Variants in NRXN3 observed in about 807,000 individuals in gnomAD.
The protein encoded by NRXN3 is neurexin III.
Under a neutral mutation model 137.6 loss-of-function variants are expected in NRXN3, and 32 were observed. The observed-to-expected ratio is 0.23, with a 90% confidence interval of 0.18 to 0.31. The LOEUF is 0.31. Among genes scored for constraint, NRXN3 ranks in the 10% least tolerant of loss-of-function variants. The pLI is 1.00. For missense variants in NRXN3, 1,574 were observed against 2,062.5 expected (o/e 0.76, Z 4.59); for synonymous variants, 798 against 784.5 (o/e 1.02, Z -0.29).
intron 16 of NRXN3, among the ~76,000 whole-genome samples, chr14:79,545,426 G>A (rs529813557): frequency 1.3e-5 from 2 of 152,188 alleles, no homozygotes; most frequent in East Asian, 3.9e-4. Flanking sequence ...TCCTCGAGGG[G>A]CTGTCTCTCT....
At chr14:78,851,850 T>C (rs1326278365) in intron 10 of NRXN3, among the ~76,000 whole-genome samples, 1 of 152,218 alleles carries the variant, frequency 6.6e-6, no homozygotes, top group Non-Finnish European at 1.5e-5. Flanking sequence ...CATATAGCTA[T>C]TCTAGCAAAA....
chr14:78,887,559 C>T (rs1001469241), intron 10 of NRXN3, among the ~76,000 whole-genome samples: 1 of 152,040 alleles, frequency 6.6e-6, no homozygotes, highest in Non-Finnish European at 1.5e-5. Context: ...TCAAGAACCT[C>T]AGGGTTTTCC....
At chr14:78,575,034 T>C (rs1482291544) in intron 4 of NRXN3, among the ~76,000 whole-genome samples, 1 of 152,174 alleles carries the variant, frequency 6.6e-6, no homozygotes, top group Admixed American at 6.5e-5. Flanking sequence ...GTTTTCATGA[T>C]AGTGAGTGAG....
intron 3 of NRXN3, among the ~76,000 whole-genome samples, chr14:78,285,578 C>T (rs1303208995): frequency 2.0e-5 from 3 of 152,166 alleles, no homozygotes; most frequent in East Asian, 3.9e-4. Flanking sequence ...CTAGAGTGTA[C>T]ACTTCACAAA....
chr14:78,538,690 C>A (rs2096560189), intron 4 of NRXN3, among the ~76,000 whole-genome samples: 1 of 151,916 alleles, frequency 6.6e-6, no homozygotes, highest in Admixed American at 6.6e-5. Context: ...CTGTCTTGTG[C>A]CAGTTTTCAA....
chr14:78,558,831 T>C (rs932869606), intron 4 of NRXN3, among the ~76,000 whole-genome samples: 2 of 152,242 alleles, frequency 1.3e-5, no homozygotes, highest in Admixed American at 6.5e-5. Context: ...GCTTACTTTG[T>C]ACTGGCACTG....
chr14:79,674,342 G>A (rs541270780), intron 17 of NRXN3, among the ~76,000 whole-genome samples: 4 of 152,002 alleles, frequency 2.6e-5, no homozygotes, highest in African/African-American at 7.2e-5. Context: ...AGACATGTGC[G>A]TACACCTGTG....
At chr14:79,417,636 G>A (rs2095516008) in intron 15 of NRXN3, among the ~76,000 whole-genome samples, 1 of 152,068 alleles carries the variant, frequency 6.6e-6, no homozygotes, top group Admixed American at 6.6e-5. Context: ...CAATAATGAT[G>A]CTTTCGTTAA....
chr14:79,050,575 A>G (rs1341529971), intron 15 of NRXN3, among the ~76,000 whole-genome samples: 4 of 152,258 alleles, frequency 2.6e-5, no homozygotes, highest in Non-Finnish European at 4.4e-5. Flanking sequence ...GATATGTACC[A>G]CGTGCTTTGA....
At chr14:79,825,023 G>C (rs549855290) in intron 20 of NRXN3, among the ~76,000 whole-genome samples, 1 of 152,182 alleles carries the variant, frequency 6.6e-6, no homozygotes, top group Admixed American at 6.5e-5. Flanking sequence ...AAGAACAAAC[G>C]TTTGTATTTG....
At chr14:79,101,940 G>A (rs1446182434) in intron 15 of NRXN3, among the ~76,000 whole-genome samples, 1 of 152,070 alleles carries the variant, frequency 6.6e-6, no homozygotes, top group Non-Finnish European at 1.5e-5. Context: ...CACACACAGG[G>A]AAAAATGCCA....
At chr14:78,316,064 A>G (rs1352172847) in intron 4 of NRXN3, among the ~76,000 whole-genome samples, 1 of 152,156 alleles carries the variant, frequency 6.6e-6, no homozygotes, top group Non-Finnish European at 1.5e-5. Flanking sequence ...AGTGTGGATA[A>G]TTCTGGGCTT....
At chr14:79,005,299 G>A (rs769438702) in intron 15 of NRXN3, among the ~76,000 whole-genome samples, 1 of 152,142 alleles carries the variant, frequency 6.6e-6, no homozygotes, top group Non-Finnish European at 1.5e-5. Context: ...GCTAGAAAAA[G>A]TCATGTACTT....
chr14:79,542,642 C>A (rs746694000), intron 16 of NRXN3, among the ~76,000 whole-genome samples: 1 of 152,168 alleles, frequency 6.6e-6, no homozygotes, highest in African/African-American at 2.4e-5. Context: ...TTTAAGCTTT[C>A]TCCCTCCCTT....
intron 4 of NRXN3, among the ~76,000 whole-genome samples, chr14:78,298,510 A>T (rs1201730272): frequency 6.6e-6 from 1 of 152,254 alleles, no homozygotes; most frequent in African/African-American, 2.4e-5. Flanking sequence ...AAAATATTCA[A>T]ATATGCAAGG....
At chr14:79,533,065 A>C (rs1323328258) in intron 16 of NRXN3, among the ~76,000 whole-genome samples, 1 of 116,722 alleles carries the variant, frequency 8.6e-6, no homozygotes, top group Non-Finnish European at 1.7e-5. Context: ...CCTGCATCAC[A>C]AAAAAACTAG....
At chr14:78,541,007 C>T (rs1289693791) in intron 4 of NRXN3, among the ~76,000 whole-genome samples, 1 of 152,182 alleles carries the variant, frequency 6.6e-6, no homozygotes, top group Non-Finnish European at 1.5e-5. Flanking sequence ...TCATGGGCTT[C>T]CCTTTGTGGG....
chr14:78,584,311 G>T (rs1467427414), intron 4 of NRXN3, among the ~76,000 whole-genome samples: 1 of 152,226 alleles, frequency 6.6e-6, no homozygotes, highest in African/African-American at 2.4e-5. Flanking sequence ...TTTTCTGTCA[G>T]TGGATCTAAA....
intron 4 of NRXN3, among the ~76,000 whole-genome samples, chr14:78,561,709 GC>G (rs1477277476): frequency 6.6e-6 from 1 of 152,072 alleles, no homozygotes; most frequent in Admixed American, 6.5e-5. Flanking sequence ...TTTGTCATCG[GC>G]TCCTCTTAAA....
Sources: gnomAD v4.1 joint callset for allele counts (sites outside exome capture counted in the v4.1 genomes callset) on GRCh38, gnomAD v4.1.1 for gene constraint, MANE v1.5 for transcripts, NCBI Gene and HGNC (gene_info 2026-07-23, HGNC 2026-07-21) for gene names.